SFXN4: variants seen among roughly 807,000 people sequenced by gnomAD.
SFXN4 encodes sideroflexin-4.
SFXN4 carries 48 observed loss-of-function variants against 54.6 expected under a neutral mutation model. That is an observed-to-expected ratio of 0.88 (90% CI 0.70 to 1.12). SFXN4 has a LOEUF of 1.12. Among genes scored for constraint, SFXN4 ranks in the 50% most tolerant of loss-of-function variants. The pLI, the probability that SFXN4 is intolerant of heterozygous loss-of-function variation, is 0.00. For missense variants in SFXN4, 383 were observed against 409.2 expected, an observed-to-expected ratio of 0.94 and a Z score of 0.55; for synonymous variants, 130 against 145.5, an observed-to-expected ratio of 0.89 and a Z score of 0.77.
chr10:119,146,946 G>A lies in SFXN4; in HGVS notation c.819-593C>T, dbSNP rs117223691. Among the ~76,000 whole-genome samples the A allele has an allele frequency of 5.2e-3, 798 of 152,274 alleles. 3 individuals carry two copies. Among genetic ancestry groups the A allele is most frequent in the Admixed American group, 0.012 (184 of 15,284 alleles). ...GCCTCGCCACACTGGTGGGGGGGAT[G>A]TGCACCCCAGGCATGCGACCTAACT... On this transcript the variant is annotated intron_variant, in intron 12 of 13. Transcript: ENST00000355697.
intron 13 of SFXN4, among the ~76,000 whole-genome samples, chr10:119,145,597 C>T (rs1846758022): frequency 6.6e-6 from 1 of 152,066 alleles, no homozygotes; most frequent in Admixed American, 6.6e-5. Flanking sequence ...AGCCACCGCG[C>T]CTGGCCTGAT....
chr10:119,160,691 G>C (rs1847493205), intron 5 of SFXN4, among the ~76,000 whole-genome samples: 1 of 148,426 alleles, frequency 6.7e-6, no homozygotes, highest in African/African-American at 2.5e-5. Context: ...CCGGGTTCAA[G>C]TTCAAGCAAT....
intron 13 of SFXN4, among the ~76,000 whole-genome samples, chr10:119,142,331 T>C (rs1430988957): frequency 6.6e-6 from 1 of 152,064 alleles, no homozygotes; most frequent in Non-Finnish European, 1.5e-5. Flanking sequence ...GCAGTAGGAT[T>C]TTTTTCCTTG....
chr10:119,158,135 C>A lies in SFXN4; in HGVS notation c.361-73G>T, dbSNP rs1430397278. 3.5e-6 allele frequency: 5 copies of A among 1,413,964 alleles called. No homozygotes were observed. In the African/African-American group the frequency reaches 7.1e-5, roughly 20 times the overall value. The allele number at this position is 1,413,964 out of a possible 1,614,324, so 87.6% of individuals were successfully genotyped here. ...AGAACTTGCAGTAGCAAAGAACTTT[C>A]CAGGGGAGAGGGAGAATTGAGCCCC... On this transcript the variant is annotated intron_variant, in intron 6 of 13. Transcript: ENST00000355697.
chr10:119,145,250 T>C (rs1846738925), intron 13 of SFXN4, among the ~76,000 whole-genome samples: 1 of 151,500 alleles, frequency 6.6e-6, no homozygotes, highest in African/African-American at 2.4e-5. Context: ...AAGACTTTGA[T>C]CCTCACTGAA....
At chr10:119,165,164 A>C in intron 1 of SFXN4, 1 of 1,025,200 alleles carries the variant, frequency 9.8e-7, no homozygotes, top group African/African-American at 1.7e-5. Flanking sequence ...GTGGCTTCCC[A>C]AAGCCTCGGG....
Position 119,147,836 on chromosome 10 carries a change from T to C in SFXN4, c.757A>G (p.Arg253Gly). 8 of 1,614,144 alleles carry C rather than the reference T, an allele frequency of 5.0e-6. No individual in the cohort carries two copies. The highest frequency in any genetic ancestry group is 6.8e-6 in the Non-Finnish European group (8 of 1,179,978). The stretch of plus-strand genomic sequence containing the variant: ...GCTGAGGTCCCAAACAGCACTATTC[T>C]GGATGCTAGCGTTTCTCTAACAGCC... ...TKAVRETLAS[R>G]IVLFGTSALI... The change falls in exon 12 of 14, where the codon AGA (arginine) becomes GGA (glycine). Residue 253 changes from arginine (R) to glycine (G), a missense_variant. Transcript: ENST00000355697.
chr10:119,162,505 T>C lies in SFXN4; in HGVS notation c.178-91A>G, dbSNP rs12413842. On this transcript the variant is annotated intron_variant, in intron 2 of 13. Transcript: ENST00000355697. Reference sequence around the variant, plus strand: ...GGAATCACCAGCTCACTCACCAGCATGCACTGGACTTCGACTGCATGCCTG... The same window carrying C: ...GGAATCACCAGCTCACTCACCAGCACGCACTGGACTTCGACTGCATGCCTG... The C allele has an allele frequency of 0.36, 372,901 of 1,024,028 alleles. 71,175 individuals are homozygous for C. The highest frequency in any genetic ancestry group is 0.4 in the South Asian group (29,629 of 73,276). The allele number at this position is 1,024,028 out of a possible 1,614,324, so 63.4% of individuals were successfully genotyped here. A position where few individuals can be genotyped will look rare whatever the true frequency, so the allele number is the denominator to read the frequency against.
chr10:119,161,100 A>G lies in SFXN4; in HGVS notation c.253-19T>C, dbSNP rs1266720329. The G allele has an allele frequency of 6.2e-7, 1 of 1,613,594 alleles. No individual in the cohort carries two copies. Among genetic ancestry groups the G allele is most frequent in the Admixed American group, 1.7e-5 (1 of 59,982 alleles). ...CTTGTATCTTAAAGGAGAAAAAAGA[A>G]TAGCTTTGTTTCATTTTAAATTTTT... On this transcript the variant is annotated intron_variant, in intron 3 of 13. Transcript: ENST00000355697.
chr10:119,150,723 C>T, intron 11 of SFXN4, among the ~76,000 whole-genome samples: 1 of 152,082 alleles, frequency 6.6e-6, no homozygotes, highest in Non-Finnish European at 1.5e-5. Context: ...CTCTCACTCT[C>T]CTCTCCAGCT....
intron 10 of SFXN4, among the ~76,000 whole-genome samples, chr10:119,155,967 A>G (rs1022792329): frequency 2.0e-5 from 3 of 152,128 alleles, no homozygotes; most frequent in Non-Finnish European, 4.4e-5. Flanking sequence ...CTGGGTTGGA[A>G]TCTCTATACT....
At chr10:119,161,437 C>CCA (rs61268542) in intron 3 of SFXN4, among the ~76,000 whole-genome samples, 3,168 of 119,720 alleles carry the variant, frequency 0.026, 177 homozygotes, top group African/African-American at 0.091. Context: ...CAAAAAAAAA[C>CCA]AAAAAAAAAA....
At chr10:119,156,844 G>C in intron 9 of SFXN4, 88 bp from the exon 10 acceptor site, 1 of 935,742 alleles carries the variant, frequency 1.1e-6, no homozygotes, top group South Asian at 1.4e-5. Flanking sequence ...CCCTGACCTA[G>C]TTCCTATTAC....
At chr10:119,150,774 A>G (rs1156749001) in intron 11 of SFXN4, among the ~76,000 whole-genome samples, 3 of 152,222 alleles carry the variant, frequency 2.0e-5, no homozygotes, top group Non-Finnish European at 4.4e-5. Flanking sequence ...TTAAGTTCAC[A>G]TGGAGTTGTG....
intron 11 of SFXN4, among the ~76,000 whole-genome samples, chr10:119,149,983 C>T (rs1413337630): frequency 6.6e-6 from 1 of 152,124 alleles, no homozygotes; most frequent in Admixed American, 6.5e-5. Context: ...AACAGCCACG[C>T]GTCACCTGAA....
At position 119,140,858 on chromosome 10, in the gene SFXN4, G is replaced by A. The variant is rs953042764; in HGVS notation, c.*384C>T. The A allele has an allele frequency of 7.7e-5, 13 of 168,156 alleles. No homozygotes were observed. The highest frequency in any genetic ancestry group is 5.1e-4 in the Admixed American group (8 of 15,812). The allele number at this position is 168,156 out of a possible 1,614,324, so 10.4% of individuals were successfully genotyped here. A position where few individuals can be genotyped will look rare whatever the true frequency, so the allele number is the denominator to read the frequency against. On this transcript the variant is annotated 3_prime_UTR_variant, in exon 14 of 14. Transcript: ENST00000355697. ...ACAGCGCCCCAGGGGTACGTGTTCCGCTTGAGACGGCCTATCCATTTAACA... is the reference window on the plus strand; with the variant it reads ...ACAGCGCCCCAGGGGTACGTGTTCCACTTGAGACGGCCTATCCATTTAACA...
rs1465495145 is a variant in SFXN4 at position 119,146,319 on chromosome 10, A to T, written c.853T>A (p.Trp285Arg). ...ACAGTACAAGACAGTTTCAAAATCC[A>T]CAATGACCCTGGGTTTTTCCTGAAA... The part of the protein sequence containing the change: ...QYFRKNPGSL[W>R]ILKLSCTVLA... Residue 285 changes from tryptophan to arginine, a missense_variant, in exon 13 of 14, where the codon TGG becomes AGG. Coordinates refer to ENST00000355697, the MANE Select transcript of SFXN4 (RefSeq NM_213649.2). The T allele has an allele frequency of 1.2e-6, 2 of 1,613,404 alleles. No homozygotes were observed. The highest frequency in any genetic ancestry group is 1.7e-6 in the Non-Finnish European group (2 of 1,179,604).
At chr10:119,163,382 T>C (rs1316529293) in intron 2 of SFXN4, among the ~76,000 whole-genome samples, 1 of 152,144 alleles carries the variant, frequency 6.6e-6, no homozygotes, top group African/African-American at 2.4e-5. Flanking sequence ...GTTAAACAGA[T>C]GTACGCTTTT....
In SFXN4 at chr10:119,150,112, G is replaced by C. The variant is rs1323579978; in HGVS notation, c.733-2252C>G. On this transcript the variant is annotated intron_variant, in intron 11 of 13. Coordinates refer to ENST00000355697, the MANE Select transcript of SFXN4 (RefSeq NM_213649.2). ...AGTGATAGAAGAATGCTTATGCACA[G>C]TTGCAGACACTTTATTCTTCAGAGA... is the stretch of plus-strand genomic sequence containing the variant. 3.3e-5 allele frequency among the ~76,000 whole-genome samples: 5 copies of C among 152,064 alleles called. No homozygotes were observed. In the East Asian group the frequency reaches 5.8e-4, roughly 18 times the overall value.
Sources: gnomAD v4.1 joint callset for allele counts (sites outside exome capture counted in the v4.1 genomes callset) on GRCh38, gnomAD v4.1.1 for gene constraint, MANE v1.5 for transcripts, NCBI Gene and HGNC (gene_info 2026-07-23, HGNC 2026-07-21) for gene names.